The following XRN2 variants were observed in gnomAD, a reference collection of about 807,000 sequenced individuals.
The protein encoded by XRN2 is DHM1-like protein.
In XRN2, 44 loss-of-function variants were observed where a neutral mutation model predicts 138.5. The ratio of observed to expected loss-of-function variants is 0.32; its 90% CI spans 0.25 to 0.41. The LOEUF (loss-of-function observed/expected upper bound fraction) is 0.41, where lower values mean the gene tolerates loss of function less well. Among genes scored for constraint, XRN2 ranks in the 10% least tolerant of loss-of-function variants. The pLI is 1.00. For synonymous variants in XRN2, 354 were observed against 369.4 expected, an observed-to-expected ratio of 0.96 and a Z score of 0.48; for missense variants, 937 against 1,169.3, an observed-to-expected ratio of 0.80 and a Z score of 2.90.
In XRN2 at chr20:21,357,812, T is replaced by C. The variant is rs1403539744; in HGVS notation, c.2255+20T>C. The C allele has an allele frequency of 6.3e-7, 1 of 1,595,920 alleles. No individual in the cohort carries two copies. The highest frequency in any genetic ancestry group is 1.7e-5 in the Admixed American group (1 of 57,324). On this transcript the variant is annotated intron_variant, in intron 24 of 29. Transcript: ENST00000377191. ...AGTCAGGTAAGTTTTCCAAAATTCATGGCATTCACCCAGAACACAGCTCTG... is the reference window on the plus strand; with the variant it reads ...AGTCAGGTAAGTTTTCCAAAATTCACGGCATTCACCCAGAACACAGCTCTG...
chr20:21,334,987 TGA>T (rs2038265503), intron 13 of XRN2, among the ~76,000 whole-genome samples: 2 of 152,192 alleles, frequency 1.3e-5, no homozygotes, highest in Admixed American at 1.3e-4. Context: ...GAGTGTACTA[TGA>T]GTGTGACCCT....
rs11471969 is a variant in XRN2, at chr20:21,389,696, C to CTT, written c.*358_*359insTT. 0.86 allele frequency: 141,110 copies of CTT among 164,042 alleles called. 61,057 individuals are homozygous for CTT. The highest frequency in any genetic ancestry group is 0.99 in the East Asian group (5,715 of 5,802). The allele number at this position is 164,042 out of a possible 1,614,324, so 10.2% of individuals were successfully genotyped here. A position where few individuals can be genotyped will look rare whatever the true frequency, so the allele number is the denominator to read the frequency against. On this transcript the variant is annotated 3_prime_UTR_variant, in exon 30 of 30. Coordinates refer to ENST00000377191, the MANE Select transcript of XRN2 (RefSeq NM_012255.5). ...ATTGCACAAGAATTAGGTTTGAACTCGAGCTGGAACCTCAGCAAACTAGAG... is the reference window on the plus strand; with the variant it reads ...ATTGCACAAGAATTAGGTTTGAACTCTTGAGCTGGAACCTCAGCAAACTAGAG...
At chr20:21,332,233 TTC>T (rs1275838134) in intron 8 of XRN2, 48 bp from the exon 9 acceptor site, 1 of 1,576,668 alleles carries the variant, frequency 6.3e-7, no homozygotes, top group Non-Finnish European at 8.6e-7. Context: ...ATGGTAAGAC[TTC>T]TCTCAGAATA....
intron 1 of XRN2, among the ~76,000 whole-genome samples, chr20:21,322,075 A>G (rs1464258996): frequency 6.6e-6 from 1 of 152,120 alleles, no homozygotes; most frequent in African/African-American, 2.4e-5. Context: ...AAGCCACTTA[A>G]CCTCTCTAAG....
intron 1 of XRN2, among the ~76,000 whole-genome samples, chr20:21,304,124 A>G (rs1217580576): frequency 6.6e-6 from 1 of 152,174 alleles, no homozygotes; most frequent in African/African-American, 2.4e-5. Context: ...TTTCAAGATT[A>G]CTGGATGTAC....
At chr20:21,308,664 T>G (rs1397023669) in intron 1 of XRN2, among the ~76,000 whole-genome samples, 2 of 152,194 alleles carry the variant, frequency 1.3e-5, no homozygotes, top group Non-Finnish European at 2.9e-5. Flanking sequence ...TTTTGCTCAT[T>G]TTTATCTTCG....
At chr20:21,383,380 T>G (rs1258378299) in intron 28 of XRN2, among the ~76,000 whole-genome samples, 3 of 152,208 alleles carry the variant, frequency 2.0e-5, no homozygotes, top group Non-Finnish European at 4.4e-5. Flanking sequence ...GTTTGTCTGC[T>G]TACAAAGTGT....
intron 1 of XRN2, among the ~76,000 whole-genome samples, chr20:21,321,123 C>T (rs2038036948): frequency 6.6e-6 from 1 of 152,128 alleles, no homozygotes; most frequent in Admixed American, 6.5e-5. Context: ...TCAGGTGATT[C>T]TCCCACCTCA....
At chr20:21,354,200 G>A (rs988257823) in intron 20 of XRN2, among the ~76,000 whole-genome samples, 2 of 152,132 alleles carry the variant, frequency 1.3e-5, no homozygotes, top group Non-Finnish European at 2.9e-5. Flanking sequence ...AATAGCCTCT[G>A]TTCTGTCCCC....
intron 1 of XRN2, among the ~76,000 whole-genome samples, chr20:21,325,184 T>C (rs1294169958): frequency 6.6e-6 from 1 of 152,252 alleles, no homozygotes; most frequent in African/African-American, 2.4e-5. Flanking sequence ...CAGTTTTTGC[T>C]GTTACAAGTG....
In XRN2 at chr20:21,328,632, T is replaced by C. The variant is rs2038160872; in HGVS notation, c.389T>C (p.Val130Ala). Residue 130 changes from valine to alanine, a missense_variant, in exon 4 of 30, where the codon GTC becomes GCC. Val to Ala is a moderately conservative substitution (Grantham distance 64). Transcript: ENST00000377191. ...RASKEGMEAA[V>A]EKQRVREEIL... Reference sequence around the variant, plus strand: ...TCAAAAGAAGGAATGGAAGCAGCAGTCGAGAAGCAGCGAGTCAGGGAAGAA... The same window carrying C: ...TCAAAAGAAGGAATGGAAGCAGCAGCCGAGAAGCAGCGAGTCAGGGAAGAA... 1.2e-6 allele frequency: 2 copies of C among 1,613,898 alleles called. No homozygotes were observed. Among genetic ancestry groups the C allele is most frequent in the Non-Finnish European group, 8.5e-7 (1 of 1,180,006 alleles).
At chr20:21,358,336 G>C (rs910413631) in intron 24 of XRN2, among the ~76,000 whole-genome samples, 1 of 152,160 alleles carries the variant, frequency 6.6e-6, no homozygotes, top group East Asian at 1.9e-4. Context: ...CAGTTCTTTG[G>C]TGCTGACAGC....
At chr20:21,358,544 G>T (rs558274406) in intron 24 of XRN2, among the ~76,000 whole-genome samples, 1 of 152,090 alleles carries the variant, frequency 6.6e-6, no homozygotes, top group Non-Finnish European at 1.5e-5. Context: ...TGCTAATCCT[G>T]AATCCTCCTT....
Position 21,331,578 on chromosome 20 carries a change from T to C in XRN2, c.594T>C (p.Ala198=), listed in dbSNP as rs1460389374. The change falls in exon 7 of 30, where the codon GCT becomes GCC. Residue 198 remains alanine (A), a synonymous_variant. Coordinates refer to ENST00000377191, the MANE Select transcript of XRN2 (RefSeq NM_012255.5). ...WKNLTVILSD[A]SAPGEGEHKI... ...TTTTATAGGTTATTTTATCTGATGC[T>C]AGTGCTCCTGGTGAAGGAGAACATA... The C allele has an allele frequency of 2.5e-6, 4 of 1,612,100 alleles. No individual in the cohort carries two copies. Among genetic ancestry groups the C allele is most frequent in the Non-Finnish European group, 3.4e-6 (4 of 1,179,682 alleles).
intron 24 of XRN2, among the ~76,000 whole-genome samples, chr20:21,362,327 G>A (rs989066722): frequency 3.9e-5 from 6 of 152,124 alleles, no homozygotes; most frequent in African/African-American, 2.4e-5. Flanking sequence ...GGTTATCTCT[G>A]TGACGCTGGG....
chr20:21,348,619 G>T (rs1206240666), intron 19 of XRN2, among the ~76,000 whole-genome samples, 189 bp downstream of exon 19: 2 of 152,040 alleles, frequency 1.3e-5, no homozygotes, highest in African/African-American at 4.8e-5. Context: ...GTTTTGGGGA[G>T]AAATTTTTTT....
rs2038131366 is a variant in XRN2 at position 21,326,551 on chromosome 20, T to C, written c.265T>C (p.Phe89Leu). ...AATTTTTGAGTACATTGACAGACTT[T>C]TCAGTATTGTAAGACCAAGAAGACT... ...VAIFEYIDRL[F>L]SIVRPRRLLY... Residue 89 changes from phenylalanine (F) to leucine (L), a missense_variant, in exon 3 of 30, where the codon TTC (phenylalanine) becomes CTC (leucine). Phe to Leu is a conservative substitution (Grantham distance 22). This residue lies in a region of XRN2 where 51 missense variants were observed against 93.5 expected (regional missense o/e 0.55). Coordinates refer to ENST00000377191, the MANE Select transcript of XRN2 (RefSeq NM_012255.5). The C allele has an allele frequency of 6.2e-7, 1 of 1,613,944 alleles. No homozygotes were observed. The highest frequency in any genetic ancestry group is 8.5e-7 in the Non-Finnish European group (1 of 1,179,984).
At chr20:21,304,890 C>T (rs1248867642) in intron 1 of XRN2, among the ~76,000 whole-genome samples, 2 of 152,100 alleles carry the variant, frequency 1.3e-5, no homozygotes, top group African/African-American at 2.4e-5. Flanking sequence ...ATTAAATGAT[C>T]AGGGCTTTGA....
intron 20 of XRN2, among the ~76,000 whole-genome samples, chr20:21,352,218 T>C (rs985414498): frequency 1.3e-5 from 2 of 152,222 alleles, no homozygotes; most frequent in Non-Finnish European, 1.5e-5. Flanking sequence ...TTAGTGAAAG[T>C]AATGATAATA....
Sources: gnomAD v4.1 joint callset for allele counts (sites outside exome capture counted in the v4.1 genomes callset) on GRCh38, gnomAD v4.1.1 for gene constraint, gnomAD v4.1.1 regional missense constraint, MANE v1.5 for transcripts, NCBI Gene and HGNC (gene_info 2026-07-23, HGNC 2026-07-21) for gene names.